MYO1A: variants seen among roughly 807,000 people sequenced by gnomAD.
MYO1A encodes the protein unconventional myosin-Ia.
MYO1A carries 127 observed loss-of-function variants against 138.5 expected under a neutral mutation model. The ratio of observed to expected loss-of-function variants is 0.92; its 90% CI spans 0.79 to 1.06. MYO1A has a LOEUF of 1.06. Ranked by LOEUF, MYO1A falls within the 50% of genes least tolerant of loss-of-function variation. MYO1A has a pLI of 0.00. For missense variants in MYO1A, 1,211 were observed against 1,288.8 expected (o/e 0.94, Z 0.92); for synonymous variants, 477 against 497.5 (o/e 0.96, Z 0.55).
Position 57,036,796 on chromosome 12 carries a change from G to T in MYO1A, c.2250C>A (p.Ile750=), listed in dbSNP as rs753571710. The part of the protein sequence containing the change: ...YGKIKASVLL[I]QAFVRGWKAR... ...CCTTCCACCCTCTCACAAAAGCCTG[G>T]ATCAATAACACGGATGCCTTTATCT... The change falls in exon 21 of 28, where the codon ATC becomes ATA. Residue 750 remains isoleucine (I), a synonymous_variant. Coordinates refer to ENST00000300119, the MANE Select transcript of MYO1A (RefSeq NM_005379.4). 1.6e-5 allele frequency: 26 copies of T among 1,614,070 alleles called. No homozygotes were observed. The Middle Eastern group carries it at 1.2e-3, about 71-fold the overall frequency.
At chr12:57,046,495 GT>G in intron 8 of MYO1A, 56 bp downstream of exon 8, 1 of 1,348,840 alleles carries the variant, frequency 7.4e-7, no homozygotes, top group Admixed American at 1.7e-5. Flanking sequence ...CTGAATGGAG[GT>G]TGGGGACTTT....
rs761367837 is a variant in MYO1A, at chr12:57,047,634, C to T, written c.318G>A (p.Gly106=). 6 of 1,614,230 alleles carry T rather than the reference C, an allele frequency of 3.7e-6. No individual in the cohort carries two copies. Among genetic ancestry groups the T allele is most frequent in the Non-Finnish European group, 5.1e-6 (6 of 1,180,036 alleles). Residue 106 remains glycine (G), a synonymous_variant, in exon 4 of 28, where the codon GGG becomes GGA. Coordinates refer to ENST00000300119, the MANE Select transcript of MYO1A (RefSeq NM_005379.4). Reference sequence around the variant, plus strand: ...CCCAGCCAGGGGCCTCACCAGTCTTCCCTGATCCACTCTCGCCTGTGATGA... The same window carrying T: ...CCCAGCCAGGGGCCTCACCAGTCTTTCCTGATCCACTCTCGCCTGTGATGA... ...CILITGESGS[G]KTEASKLVMS... is the part of the protein sequence containing the mutation.
chr12:57,048,475 C>A (rs760747102), intron 1 of MYO1A, 132 bp from the exon 2 acceptor site: 2 of 686,428 alleles, frequency 2.9e-6, no homozygotes, highest in South Asian at 1.6e-5. Context: ...GAGCCCCCAA[C>A]CTAGGAGAGG....
rs777683092 is a variant in MYO1A at position 57,044,173 on chromosome 12, G to A, written c.677C>T (p.Ala226Val). The stretch of plus-strand genomic sequence containing the variant: ...TCTGGATACTTCATGATTCAGATAG[G>A]CATAGCCAGTTGTATCCCGCTCAAG... ...LKLERDTTGY[A>V]YLNHEVSRVD... The change falls in exon 9 of 28, where the codon GCC becomes GTC. Residue 226 changes from alanine (A) to valine (V), a missense_variant. Transcript: ENST00000300119. 4.3e-6 allele frequency: 7 copies of A among 1,614,052 alleles called. No homozygotes were observed. The South Asian group carries it at 5.5e-5, about 13-fold the overall frequency.
Position 57,048,119 on chromosome 12 carries a change from A to G in MYO1A, c.115-15T>C, listed in dbSNP as rs780464153. The G allele has an allele frequency of 6.2e-7, 1 of 1,611,208 alleles. No individual in the cohort carries two copies. The highest frequency in any genetic ancestry group is 8.5e-7 in the Non-Finnish European group (1 of 1,177,296). On this transcript the variant is annotated splice_polypyrimidine_tract_variant and intron_variant, in intron 2 of 27. Coordinates refer to ENST00000300119, the MANE Select transcript of MYO1A (RefSeq NM_005379.4). Reference sequence around the variant, plus strand: ...CCAATGTAGGTCTGGAGCCAGGAAGAAGGTGAAGGGAATGAGCTTGAGGGT... The same window carrying G: ...CCAATGTAGGTCTGGAGCCAGGAAGGAGGTGAAGGGAATGAGCTTGAGGGT...
intron 24 of MYO1A, 89 bp from the exon 25 acceptor site, chr12:57,029,961 T>G: frequency 2.4e-4 from 364 of 1,499,644 alleles, no homozygotes; most frequent in Non-Finnish European, 3.0e-4. Flanking sequence ...TCCCGGGCCC[T>G]TCCCCCACAT....
At chr12:57,031,619 G>A (rs549247294) in intron 22 of MYO1A, among the ~76,000 whole-genome samples, 1 of 152,274 alleles carries the variant, frequency 6.6e-6, no homozygotes, top group East Asian at 1.9e-4. Flanking sequence ...CCATTCAAAG[G>A]AAGAAGGAGC....
In MYO1A at chr12:57,047,989, A is replaced by G. The variant is rs1269160213; in HGVS notation, c.230T>C (p.Ile77Thr). Residue 77 changes from isoleucine (I) to threonine (T), a missense_variant and splice_region_variant, in exon 3 of 28, where the codon ATC becomes ACC. Coordinates refer to ENST00000300119, the MANE Select transcript of MYO1A (RefSeq NM_005379.4). ...DYTFYELKPHIYALANVAYQS... is the reference protein window; with the variant it reads ...DYTFYELKPHTYALANVAYQS... The stretch of plus-strand genomic sequence containing the variant: ...GCCTTCCCTTGGTCCCCCTACTCAC[A>G]TATGGGGCTTCAGCTCATAGAAAGT... The G allele has an allele frequency of 1.9e-6, 3 of 1,611,264 alleles. No individual in the cohort carries two copies. The highest frequency in any genetic ancestry group is 3.3e-5 in the Admixed American group (2 of 60,004).
At position 57,031,156 on chromosome 12, in the gene MYO1A, C is replaced by A. The variant is rs1428717185; in HGVS notation, c.2368G>T (p.Gly790Trp). Residue 790 changes from glycine (G) to tryptophan (W), a missense_variant, in exon 23 of 28, where the codon GGG becomes TGG. Transcript: ENST00000300119. ...YKSMVQKFLL[G>W]LKNNLPSTNV... ...GTGGATGGCAAATTGTTCTTCAGCC[C>A]CAGTAGGAATTTCTGTACCTAGTTT... 6.2e-7 allele frequency: 1 copy of A among 1,614,032 alleles called. No individual in the cohort carries two copies.
At chr12:57,040,165 C>T (rs935448777) in intron 14 of MYO1A, among the ~76,000 whole-genome samples, 3 of 152,188 alleles carry the variant, frequency 2.0e-5, no homozygotes, top group African/African-American at 7.2e-5. Context: ...ATTAAGTTGC[C>T]TCCCACTTCA....
In MYO1A at chr12:57,036,378, G is replaced by C. The variant is rs147166068; in HGVS notation, c.2278C>G (p.Arg760Gly). Reference sequence around the variant, plus strand: ...CGGAAATATTTGCGATAATTCTTTCGGGCCTGGCAGAAAAGTACAAGAAAG... The same window carrying C: ...CGGAAATATTTGCGATAATTCTTTCCGGCCTGGCAGAAAAGTACAAGAAAG... ...IQAFVRGWKA[R>G]KNYRKYFRSE... Residue 760 changes from arginine to glycine, a missense_variant, in exon 22 of 28, where the codon CGA (arginine) becomes GGA (glycine). Arg to Gly is a moderately radical substitution (Grantham distance 125). Coordinates refer to ENST00000300119, the MANE Select transcript of MYO1A (RefSeq NM_005379.4). The C allele has an allele frequency of 8.7e-6, 14 of 1,613,698 alleles. No homozygotes were observed. The highest frequency in any genetic ancestry group is 1.2e-5 in the Non-Finnish European group (14 of 1,179,786).
Position 57,044,222 on chromosome 12 carries a change from G to T in MYO1A, c.641-13C>A. ...AGCTTCAGGGCCTCTGGGAGGGCCAGTGTTGGGGAAGATGGTTAGTACCCA... is the reference window on the plus strand; with the variant it reads ...AGCTTCAGGGCCTCTGGGAGGGCCATTGTTGGGGAAGATGGTTAGTACCCA... On this transcript the variant is annotated splice_polypyrimidine_tract_variant and intron_variant, in intron 8 of 27. Coordinates refer to ENST00000300119, the MANE Select transcript of MYO1A (RefSeq NM_005379.4). The T allele has an allele frequency of 6.2e-7, 1 of 1,609,638 alleles. No homozygotes were observed. The highest frequency in any genetic ancestry group is 8.5e-7 in the Non-Finnish European group (1 of 1,176,654).
Position 57,031,157 on chromosome 12 carries a change from C to A in MYO1A, c.2367G>T (p.Leu789=). Residue 789 remains leucine, a synonymous_variant, in exon 23 of 28, where the codon CTG becomes CTT. Transcript: ENST00000300119. ...TGGATGGCAAATTGTTCTTCAGCCCCAGTAGGAATTTCTGTACCTAGTTTG... is the reference window on the plus strand; with the variant it reads ...TGGATGGCAAATTGTTCTTCAGCCCAAGTAGGAATTTCTGTACCTAGTTTG... The part of the protein sequence containing the change: ...IYKSMVQKFL[L]GLKNNLPSTN... 1.9e-6 allele frequency: 3 copies of A among 1,614,054 alleles called. No individual in the cohort carries two copies. The highest frequency in any genetic ancestry group is 2.5e-6 in the Non-Finnish European group (3 of 1,180,010).
rs774055766 is a variant in MYO1A at position 57,046,606 on chromosome 12, T to C, written c.586A>G (p.Arg196Gly). Residue 196 changes from arginine (R) to glycine (G), a missense_variant, in exon 8 of 28, where the codon AGG (arginine) becomes GGG (glycine). Coordinates refer to ENST00000300119, the MANE Select transcript of MYO1A (RefSeq NM_005379.4). ...SRLVKQLKGERNFHIFYQLLA... is the reference protein window; with the variant it reads ...SRLVKQLKGEGNFHIFYQLLA... ...AGCTGATAGAAGATGTGGAAGTTCC[T>C]TTCTCCTTTGAGCTGCTTCACTAAT... 1.2e-6 allele frequency: 2 copies of C among 1,614,098 alleles called. No individual in the cohort carries two copies. Among genetic ancestry groups the C allele is most frequent in the Non-Finnish European group, 1.7e-6 (2 of 1,180,002 alleles).
intron 14 of MYO1A, chr12:57,039,553 T>C: frequency 2.2e-6 from 1 of 459,598 alleles, no homozygotes; most frequent in Non-Finnish European, 4.0e-6. Context: ...GAGAGGGAAG[T>C]GTAACATGTT....
At chr12:57,042,120 C>G (rs1055149398) in intron 12 of MYO1A, among the ~76,000 whole-genome samples, 2 of 152,152 alleles carry the variant, frequency 1.3e-5, no homozygotes, top group African/African-American at 4.8e-5. Context: ...AAATCCTATA[C>G]CCATTATTAG....
At position 57,038,448 on chromosome 12, in the gene MYO1A, A is replaced by T; in HGVS notation, c.1724T>A (p.Met575Lys). 6.2e-7 allele frequency: 1 copy of T among 1,614,176 alleles called. No individual in the cohort carries two copies. Among genetic ancestry groups the T allele is most frequent in the South Asian group, 1.1e-5 (1 of 91,082 alleles). The stretch of plus-strand genomic sequence containing the variant: ...GGGGCTCTTGGAATACAGATTCTTC[A>T]TGAGGATGGCCACAGAACTCTTGAA... ...AQFKSSVAIL[M>K]KNLYSKSPNY... The change falls in exon 17 of 28, where the codon ATG (methionine) becomes AAG (lysine). Residue 575 changes from methionine (M) to lysine (K), a missense_variant. Coordinates refer to ENST00000300119, the MANE Select transcript of MYO1A (RefSeq NM_005379.4).
intron 10 of MYO1A, 93 bp from the exon 11 acceptor site, chr12:57,043,451 G>T: frequency 1.7e-6 from 2 of 1,173,610 alleles, no homozygotes; most frequent in Non-Finnish European, 1.3e-6. Flanking sequence ...CTGAGACACT[G>T]GTGTCCTGGG....
rs1397949474 is a variant in MYO1A, at chr12:57,047,664, ACACTGGTCTCGGTC to A, written c.274_287del (p.Asp92TyrfsTer13). The A allele has an allele frequency of 1.9e-6, 3 of 1,614,200 alleles. No homozygotes were observed. Among genetic ancestry groups the A allele is most frequent in the Middle Eastern group, 1.6e-4 (1 of 6,062 alleles). On this transcript the variant is annotated frameshift_variant, in exon 4 of 28. Coordinates refer to ENST00000300119, the MANE Select transcript of MYO1A (RefSeq NM_005379.4). LOFTEE classifies it high-confidence loss of function. ...ATCCACTCTCGCCTGTGATGAGGATACACTGGTCTCGGTCCCTGTCCCTCAGTGACTGGTACGCC... is the reference window on the plus strand; with the variant it reads ...ATCCACTCTCGCCTGTGATGAGGATACCTGTCCCTCAGTGACTGGTACGCC...
Sources: allele counts gnomAD v4.1 joint callset (sites outside exome capture counted in the v4.1 genomes callset), GRCh38; gene constraint gnomAD v4.1.1; transcripts MANE v1.5; gene names NCBI Gene and HGNC (gene_info 2026-07-23, HGNC 2026-07-21).